The following GPR158 variants were observed in gnomAD, a reference collection of about 807,000 sequenced individuals.
GPR158 encodes the protein G protein-coupled receptor 158, also known as metabotropic glycine receptor.
Under a neutral mutation model 78.2 loss-of-function variants are expected in GPR158, and 30 were observed. That is an observed-to-expected ratio of 0.38 (90% CI 0.29 to 0.52). The LOEUF (loss-of-function observed/expected upper bound fraction) is 0.52, where lower values mean the gene tolerates loss of function less well. GPR158 is among the 20% of genes least tolerant of loss of function. The pLI is 0.83. For missense variants in GPR158, 1,463 were observed against 1,523.5 expected, an observed-to-expected ratio of 0.96 and a Z score of 0.66; for synonymous variants, 581 against 591.1, an observed-to-expected ratio of 0.98 and a Z score of 0.25.
At chr10:25,410,699 T>C (rs844042) in intron 3 of GPR158, among the ~76,000 whole-genome samples, 1 of 152,086 alleles carries the variant, frequency 6.6e-6, no homozygotes, top group Non-Finnish European at 1.5e-5. Flanking sequence ...ACCCCAAGTG[T>C]TCTAGTGAGT....
intron 4 of GPR158, among the ~76,000 whole-genome samples, chr10:25,422,858 C>G (rs576721193): frequency 1.4e-5 from 2 of 142,054 alleles, no homozygotes; most frequent in Non-Finnish European, 3.0e-5. Flanking sequence ...TTACCCCCCC[C>G]ACACTTTCCC....
intron 4 of GPR158, among the ~76,000 whole-genome samples, chr10:25,436,393 G>A (rs797012635): frequency 1.3e-5 from 2 of 152,280 alleles, no homozygotes; most frequent in African/African-American, 4.8e-5. Context: ...ATAAATGAGG[G>A]TCATGAGCAT....
chr10:25,270,343 G>A (rs981096513), intron 2 of GPR158, among the ~76,000 whole-genome samples: 21 of 151,740 alleles, frequency 1.4e-4, no homozygotes, highest in African/African-American at 3.6e-4. Flanking sequence ...TTTTTCCTCC[G>A]ATGTGCAGGG....
At chr10:25,241,923 G>T (rs548790737) in intron 2 of GPR158, among the ~76,000 whole-genome samples, 1 of 152,160 alleles carries the variant, frequency 6.6e-6, no homozygotes, top group Non-Finnish European at 1.5e-5. Flanking sequence ...CTCCAATGGA[G>T]GCATTTTAAA....
intron 6 of GPR158, among the ~76,000 whole-genome samples, chr10:25,571,768 TATC>T (rs1837012431): frequency 6.6e-6 from 1 of 152,150 alleles, no homozygotes; most frequent in Admixed American, 6.5e-5. Flanking sequence ...AGTGCTTAGA[TATC>T]ATCTAATCTA....
rs181507847 is a variant in GPR158 at position 25,457,663 on chromosome 10, G to A, written c.1336-8988G>A. Among the ~76,000 whole-genome samples, 598 of 152,258 alleles carry A rather than the reference G, an allele frequency of 3.9e-3. 1 individual carries two copies. Among genetic ancestry groups the A allele is most frequent in the Non-Finnish European group, 5.8e-3 (397 of 68,020 alleles). On this transcript the variant is annotated intron_variant, in intron 4 of 10. Coordinates refer to ENST00000376351, the MANE Select transcript of GPR158 (RefSeq NM_020752.3). ...TGAAAGGCTTCTTAGCCAGAAAAGG[G>A]GTCTGAAAGATGAGGAGAAGGCTGA...
chr10:25,463,436 T>TGGATGGAC (rs1835383005), intron 4 of GPR158, among the ~76,000 whole-genome samples: 2 of 144,824 alleles, frequency 1.4e-5, no homozygotes, highest in African/African-American at 5.2e-5. Flanking sequence ...GATGGATGGA[T>TGGATGGAC]GGACAGATAT....
chr10:25,389,105 G>C lies in GPR158; in HGVS notation c.1009-6806G>C, dbSNP rs546568110. 3.3e-5 allele frequency among the ~76,000 whole-genome samples: 5 copies of C among 152,352 alleles called. No homozygotes were observed. In the South Asian group the frequency reaches 1.0e-3, roughly 32 times the overall value. The stretch of plus-strand genomic sequence containing the variant: ...GCCTGGGTGCCATGAATGGTGGCAG[G>C]CATCAGACAAGATCCTGGGAAGAAG... On this transcript the variant is annotated intron_variant, in intron 2 of 10. Transcript: ENST00000376351.
At chr10:25,352,322 G>A (rs1297223759) in intron 2 of GPR158, among the ~76,000 whole-genome samples, 4 of 152,036 alleles carry the variant, frequency 2.6e-5, no homozygotes, top group Admixed American at 2.6e-4. Context: ...TACTGAGTAA[G>A]GCACTCCTCA....
At chr10:25,378,937 G>A (rs1349517370) in intron 2 of GPR158, among the ~76,000 whole-genome samples, 2 of 152,032 alleles carry the variant, frequency 1.3e-5, no homozygotes, top group African/African-American at 2.4e-5. Flanking sequence ...CGACAGACAT[G>A]TACTACTACA....
chr10:25,425,965 A>C (rs1478184829), intron 4 of GPR158, among the ~76,000 whole-genome samples: 1 of 152,124 alleles, frequency 6.6e-6, no homozygotes, highest in Admixed American at 6.6e-5. Context: ...ATATTGAGCA[A>C]CTGTTTTTAA....
At chr10:25,563,893 T>A (rs1836892547) in intron 6 of GPR158, among the ~76,000 whole-genome samples, 1 of 152,194 alleles carries the variant, frequency 6.6e-6, no homozygotes, top group Non-Finnish European at 1.5e-5. Context: ...GTATCGTTTC[T>A]ATTAGTGTCT....
intron 6 of GPR158, among the ~76,000 whole-genome samples, chr10:25,552,767 C>G (rs1293184553): frequency 6.6e-6 from 1 of 152,176 alleles, no homozygotes; most frequent in Non-Finnish European, 1.5e-5. Flanking sequence ...TGTGCTGTAC[C>G]TCAGCCTGTC....
chr10:25,322,426 C>G (rs1854965483), intron 2 of GPR158, among the ~76,000 whole-genome samples: 1 of 151,944 alleles, frequency 6.6e-6, no homozygotes, highest in South Asian at 2.1e-4. Context: ...ACTTGTGGAC[C>G]CATCCTTAGA....
intron 2 of GPR158, among the ~76,000 whole-genome samples, chr10:25,222,122 A>T (rs1248449596): frequency 6.6e-6 from 1 of 152,134 alleles, no homozygotes; most frequent in African/African-American, 2.4e-5. Context: ...ACATGCATGC[A>T]TATACATGTA....
At chr10:25,299,999 C>A (rs972600627) in intron 2 of GPR158, among the ~76,000 whole-genome samples, 1 of 151,908 alleles carries the variant, frequency 6.6e-6, no homozygotes, top group Non-Finnish European at 1.5e-5. Context: ...GCTAGGTGAT[C>A]CACCCACCTC....
At chr10:25,461,665 A>G (rs1835359865) in intron 4 of GPR158, among the ~76,000 whole-genome samples, 1 of 152,152 alleles carries the variant, frequency 6.6e-6, no homozygotes, top group Non-Finnish European at 1.5e-5. Flanking sequence ...AGGTAGCTAC[A>G]TGAAACAACA....
chr10:25,489,081 T>C (rs1835770438), intron 5 of GPR158, among the ~76,000 whole-genome samples: 1 of 152,114 alleles, frequency 6.6e-6, no homozygotes, highest in African/African-American at 2.4e-5. Context: ...GGGAGAAAAG[T>C]AGACAAAAAC....
At chr10:25,448,307 G>C (rs1445490109) in intron 4 of GPR158, among the ~76,000 whole-genome samples, 1 of 151,786 alleles carries the variant, frequency 6.6e-6, no homozygotes, top group Non-Finnish European at 1.5e-5. Flanking sequence ...AGCCAGGATG[G>C]TCTCGATCTT....
Sources: gnomAD v4.1 joint callset for allele counts (sites outside exome capture counted in the v4.1 genomes callset) on GRCh38, gnomAD v4.1.1 for gene constraint, MANE v1.5 for transcripts, NCBI Gene and HGNC (gene_info 2026-07-23, HGNC 2026-07-21) for gene names.